The following IST1 variants were observed in gnomAD, a reference collection of about 807,000 sequenced individuals.
IST1 encodes the protein IST1 factor associated with ESCRT-III.
IST1 carries 23 observed loss-of-function variants against 37.0 expected under a neutral mutation model. The observed-to-expected ratio is 0.62, with a 90% CI of 0.45 to 0.88. The LOEUF is 0.88. Among genes scored for constraint, IST1 ranks in the 40% least tolerant of loss-of-function variants. The probability of loss-of-function intolerance (pLI) is 0.00; values close to 1 mark genes in which losing one functional copy is unlikely to be tolerated. For missense variants in IST1, 488 were observed against 445.4 expected, an observed-to-expected ratio of 1.10 and a Z score of -0.86; for synonymous variants, 180 against 161.7, an observed-to-expected ratio of 1.11 and a Z score of -0.86.
Position 71,927,925 on chromosome 16 carries a change from C to CAACACTCCCTCTGGGCTCTCT in IST1, c.*113_*133dup. 1 of 759,248 alleles carries CAACACTCCCTCTGGGCTCTCT rather than the reference C, an allele frequency of 1.3e-6. No homozygotes were observed. Among genetic ancestry groups the CAACACTCCCTCTGGGCTCTCT allele is most frequent in the South Asian group, 1.6e-5 (1 of 63,078 alleles). 47.0% of individuals were successfully genotyped at this position (759,248 alleles called of 1,614,324 possible). The stretch of plus-strand genomic sequence containing the variant: ...TTCATCTGTTAACCGTCACTCAGCA[C>CAACACTCCCTCTGGGCTCTCT]AACACTCCCTCTGGGCTCTCTTCCT... On this transcript the variant is annotated 3_prime_UTR_variant, in exon 10 of 10. Coordinates refer to ENST00000378799, the MANE Select transcript of IST1 (RefSeq NM_001270975.2).
chr16:71,914,478 A>T (rs979595911), intron 1 of IST1, among the ~76,000 whole-genome samples: 1 of 152,104 alleles, frequency 6.6e-6, no homozygotes, highest in Non-Finnish European at 1.5e-5. Flanking sequence ...ACCTTAATTT[A>T]TGCTTTTTAT....
At position 71,929,574 on chromosome 16, in the gene IST1, C is replaced by T. The variant is rs2037843290; in HGVS notation, c.*1761C>T. The T allele has an allele frequency of 6.4e-7, 1 of 1,551,392 alleles. No individual in the cohort carries two copies. Among genetic ancestry groups the T allele is most frequent in the Non-Finnish European group, 8.7e-7 (1 of 1,146,922 alleles). On this transcript the variant is annotated 3_prime_UTR_variant, in exon 10 of 10. Coordinates refer to ENST00000378799, the MANE Select transcript of IST1 (RefSeq NM_001270975.2). Reference sequence around the variant, plus strand: ...CATCTAAAACTTCAGTGTCACTGCCCACTGCTGTCGTGGCTGCTTGCTCAG... The same window carrying T: ...CATCTAAAACTTCAGTGTCACTGCCTACTGCTGTCGTGGCTGCTTGCTCAG...
In IST1 at chr16:71,929,767, A is replaced by G. The variant is rs1597265371; in HGVS notation, c.*1954A>G. On this transcript the variant is annotated 3_prime_UTR_variant, in exon 10 of 10. Transcript: ENST00000378799. ...AAAAAGTACCAAAGATTTTTAAAAA[A>G]TTAGTAAATGTAAAGATACTATTTC... is the stretch of plus-strand genomic sequence containing the variant. 4.0e-6 allele frequency: 5 copies of G among 1,256,706 alleles called. No individual in the cohort carries two copies. The highest frequency in any genetic ancestry group is 5.1e-5 in the East Asian group (2 of 39,286). The allele number at this position is 1,256,706 out of a possible 1,614,324, so 77.8% of individuals were successfully genotyped here. A position where few individuals can be genotyped will look rare whatever the true frequency, so the allele number is the denominator to read the frequency against.
At chr16:71,924,451 C>A in intron 8 of IST1, 1 of 473,448 alleles carries the variant, frequency 2.1e-6, no homozygotes, top group Non-Finnish European at 3.9e-6. Context: ...ATTGGCCAGG[C>A]ATAGTGCTGC....
At chr16:71,908,496 C>T (rs1167425321) in intron 1 of IST1, among the ~76,000 whole-genome samples, 1 of 151,958 alleles carries the variant, frequency 6.6e-6, no homozygotes, top group African/African-American at 2.4e-5. Context: ...AGAGTTTCAC[C>T]ATGTTGGCCA....
At chr16:71,921,750 C>G (rs573523607) in intron 6 of IST1, 10 of 306,428 alleles carry the variant, frequency 3.3e-5, no homozygotes, top group Non-Finnish European at 5.6e-5. Flanking sequence ...AAGAAATGCC[C>G]CAAGACCCAA....
chr16:71,897,816 T>C (rs941888212), intron 1 of IST1, among the ~76,000 whole-genome samples: 1 of 151,946 alleles, frequency 6.6e-6, no homozygotes, highest in Admixed American at 6.6e-5. Flanking sequence ...AGTGTTGGTG[T>C]GGCCTGTAGT....
chr16:71,919,115 T>G (rs1054840347), intron 4 of IST1, among the ~76,000 whole-genome samples: 2 of 152,254 alleles, frequency 1.3e-5, no homozygotes, highest in Non-Finnish European at 2.9e-5. Context: ...TCCGATCCTG[T>G]CACGACCTCT....
chr16:71,924,028 T>C (rs143161648), intron 8 of IST1: 1 of 443,312 alleles, frequency 2.3e-6, no homozygotes, highest in Non-Finnish European at 4.5e-6. Context: ...AAATTACTCA[T>C]CTAGGAAGAT....
chr16:71,898,573 A>C (rs1199633897), intron 1 of IST1, among the ~76,000 whole-genome samples: 1 of 150,690 alleles, frequency 6.6e-6, no homozygotes, highest in African/African-American at 2.4e-5. Flanking sequence ...AATACTTGGG[A>C]GGCTGAGGCA....
intron 6 of IST1, 169 bp downstream of exon 6, chr16:71,921,622 G>A (rs2037587233): frequency 3.6e-6 from 2 of 549,992 alleles, no homozygotes; most frequent in Non-Finnish European, 6.5e-6. Context: ...GGGTACTTAA[G>A]GAATTAGATG....
chr16:71,906,595 G>C (rs2037229870), intron 1 of IST1, among the ~76,000 whole-genome samples: 1 of 152,060 alleles, frequency 6.6e-6, no homozygotes, highest in African/African-American at 2.4e-5. Flanking sequence ...AGATTACCAG[G>C]TGTGAGCCAC....
chr16:71,926,950 A>T (rs937512319), intron 9 of IST1, among the ~76,000 whole-genome samples: 2 of 152,112 alleles, frequency 1.3e-5, no homozygotes, highest in East Asian at 3.8e-4. Flanking sequence ...TTTGCCCCCA[A>T]TCCCTAAAGA....
chr16:71,925,464 C>T (rs1181686615), intron 9 of IST1, among the ~76,000 whole-genome samples: 8 of 151,710 alleles, frequency 5.3e-5, no homozygotes, highest in African/African-American at 9.7e-5. Context: ...TATAGGCACA[C>T]GCCACCACGC....
At chr16:71,920,873 T>A (rs375214734) in intron 5 of IST1, 51 bp downstream of exon 5, 51 of 1,291,778 alleles carry the variant, frequency 3.9e-5, no homozygotes, top group Non-Finnish European at 5.5e-5. Context: ...AGCAGTTTAT[T>A]GTACTGCTTG....
intron 1 of IST1, among the ~76,000 whole-genome samples, chr16:71,914,582 G>A (rs185582665): frequency 6.6e-6 from 1 of 152,166 alleles, no homozygotes; most frequent in African/African-American, 2.4e-5. Flanking sequence ...GATACTTGAT[G>A]ACATAAATGC....
At chr16:71,925,417 G>C (rs1160475710) in intron 9 of IST1, among the ~76,000 whole-genome samples, 3 of 151,012 alleles carry the variant, frequency 2.0e-5, no homozygotes, top group Non-Finnish European at 4.4e-5. Flanking sequence ...CCCGGGTTCA[G>C]GCTATTCTCC....
chr16:71,918,988 T>G (rs1344832623), intron 4 of IST1, among the ~76,000 whole-genome samples: 1 of 152,236 alleles, frequency 6.6e-6, no homozygotes, highest in Admixed American at 6.5e-5. Context: ...TACTGTCGTT[T>G]CCTGTCTGGA....
intron 1 of IST1, among the ~76,000 whole-genome samples, chr16:71,898,720 T>A (rs1348636076): frequency 6.6e-6 from 1 of 150,616 alleles, no homozygotes; most frequent in East Asian, 1.9e-4. Context: ...GGCTCACGCC[T>A]GTAATCCCAG....
Sources: allele counts gnomAD v4.1 joint callset (sites outside exome capture counted in the v4.1 genomes callset), GRCh38; gene constraint gnomAD v4.1.1; transcripts MANE v1.5; gene names NCBI Gene and HGNC (gene_info 2026-07-23, HGNC 2026-07-21).